Variants in GUCA1C observed in about 807,000 individuals in gnomAD.
The protein encoded by GUCA1C is guanylyl cyclase-activating protein 3.
In GUCA1C, 15 loss-of-function variants were observed where a neutral mutation model predicts 16.2. The ratio of observed to expected loss-of-function variants is 0.93; its 90% CI spans 0.62 to 1.43. The LOEUF (loss-of-function observed/expected upper bound fraction) is 1.43, where lower values mean the gene tolerates loss of function less well. GUCA1C is among the 40% of genes most tolerant of loss of function. GUCA1C has a pLI of 0.00. For synonymous variants in GUCA1C, 78 were observed against 85.4 expected, an observed-to-expected ratio of 0.91 and a Z score of 0.48; for missense variants, 275 against 244.8, an observed-to-expected ratio of 1.12 and a Z score of -0.82.
At chr3:108,936,852 C>T (rs1046408447) in intron 1 of GUCA1C, among the ~76,000 whole-genome samples, 4 of 152,088 alleles carry the variant, frequency 2.6e-5, no homozygotes, top group African/African-American at 9.7e-5. Flanking sequence ...GACTTTGAGC[C>T]CAGACAGCTC....
intron 1 of GUCA1C, among the ~76,000 whole-genome samples, chr3:108,926,479 C>A (rs969554329): frequency 6.6e-6 from 1 of 152,030 alleles, no homozygotes; most frequent in African/African-American, 2.4e-5. Context: ...TATTTGTTGC[C>A]TGAAGGTCTG....
At chr3:108,913,702 A>G (rs1946480013) in intron 3 of GUCA1C, among the ~76,000 whole-genome samples, 1 of 152,140 alleles carries the variant, frequency 6.6e-6, no homozygotes, top group South Asian at 2.1e-4. Context: ...GCATTTGCTA[A>G]GAAATAGCGA....
At chr3:108,935,857 A>G (rs574601889) in intron 1 of GUCA1C, among the ~76,000 whole-genome samples, 2 of 152,222 alleles carry the variant, frequency 1.3e-5, no homozygotes, top group African/African-American at 4.8e-5. Context: ...CTTCTGTCCA[A>G]CAGAAAACCA....
chr3:108,945,922 T>C (rs1323435957), intron 1 of GUCA1C, among the ~76,000 whole-genome samples: 4 of 152,204 alleles, frequency 2.6e-5, no homozygotes, highest in Non-Finnish European at 4.4e-5. Flanking sequence ...TGTGAGCTGA[T>C]TGTTAAATTG....
chr3:108,909,537 C>T (rs1389083667), intron 3 of GUCA1C, among the ~76,000 whole-genome samples: 2 of 152,140 alleles, frequency 1.3e-5, no homozygotes, highest in East Asian at 1.9e-4. Flanking sequence ...TCAAATTTAT[C>T]GGGGCTCAGC....
At chr3:108,916,476 GATGCA>G (rs1322537632) in intron 2 of GUCA1C, among the ~76,000 whole-genome samples, 1 of 152,170 alleles carries the variant, frequency 6.6e-6, no homozygotes, top group Admixed American at 6.5e-5. Flanking sequence ...GATCACAACA[GATGCA>G]ATGAGCCCAT....
chr3:108,917,495 C>T (rs769476899), intron 2 of GUCA1C, among the ~76,000 whole-genome samples: 1 of 151,726 alleles, frequency 6.6e-6, no homozygotes, highest in Non-Finnish European at 1.5e-5. Flanking sequence ...TTTTCTTCTT[C>T]TTCTTTCCTT....
At chr3:108,944,820 T>A (rs1169222432) in intron 1 of GUCA1C, among the ~76,000 whole-genome samples, 1 of 152,226 alleles carries the variant, frequency 6.6e-6, no homozygotes, top group African/African-American at 2.4e-5. Flanking sequence ...TAGGGAAATG[T>A]GGGATTTGAG....
intron 3 of GUCA1C, among the ~76,000 whole-genome samples, chr3:108,912,920 A>G (rs1946471602): frequency 6.6e-6 from 1 of 152,160 alleles, no homozygotes; most frequent in Non-Finnish European, 1.5e-5. Context: ...TGTGGAGCTC[A>G]TAGCTCTTCA....
intron 3 of GUCA1C, among the ~76,000 whole-genome samples, chr3:108,915,043 C>G (rs1294933490): frequency 5.9e-5 from 9 of 152,206 alleles, no homozygotes; most frequent in Non-Finnish European, 1.2e-4. Context: ...GATGCATCTT[C>G]AAATTTCTTT....
At chr3:108,954,384 G>A (rs1019296601), upstream of GUCA1C, among the ~76,000 whole-genome samples, 30 of 152,314 alleles carry the variant, frequency 2.0e-4, no homozygotes, top group African/African-American at 7.0e-4. Flanking sequence ...AACTTCAGAT[G>A]TAGTAGTCAG....
chr3:108,953,073 T>C (rs1490704859), intron 1 of GUCA1C, among the ~76,000 whole-genome samples: 1 of 152,176 alleles, frequency 6.6e-6, no homozygotes, highest in Non-Finnish European at 1.5e-5. Flanking sequence ...AAAAAAGTAA[T>C]ATGAAGCAGT....
chr3:108,937,087 C>T (rs1004447883), intron 1 of GUCA1C, among the ~76,000 whole-genome samples: 2 of 152,204 alleles, frequency 1.3e-5, no homozygotes, highest in African/African-American at 4.8e-5. Context: ...CCCAAATGCC[C>T]TTCCAAGGCC....
intron 1 of GUCA1C, among the ~76,000 whole-genome samples, chr3:108,940,909 AG>A (rs1946779637): frequency 1.3e-5 from 2 of 152,206 alleles, no homozygotes; most frequent in African/African-American, 4.8e-5. Flanking sequence ...AGACACAGAG[AG>A]GTTAATGGTC....
intron 1 of GUCA1C, among the ~76,000 whole-genome samples, chr3:108,924,433 G>A (rs953057833): frequency 7.2e-5 from 11 of 151,878 alleles, no homozygotes; most frequent in Non-Finnish European, 1.5e-4. Flanking sequence ...TTTATGTGGT[G>A]TATTACATTT....
chr3:108,922,860 G>A (rs947262339), intron 1 of GUCA1C, among the ~76,000 whole-genome samples: 1 of 152,056 alleles, frequency 6.6e-6, no homozygotes, highest in Non-Finnish European at 1.5e-5. Flanking sequence ...CTGTGTCCAT[G>A]TGTTCTCATT....
At chr3:108,933,138 T>C (rs928114515) in intron 1 of GUCA1C, among the ~76,000 whole-genome samples, 1 of 152,152 alleles carries the variant, frequency 6.6e-6, no homozygotes, top group African/African-American at 2.4e-5. Context: ...TGAGAACATT[T>C]TATCCTTTTA....
At chr3:108,931,872 T>C (rs1946670585) in intron 1 of GUCA1C, among the ~76,000 whole-genome samples, 1 of 145,462 alleles carries the variant, frequency 6.9e-6, no homozygotes, top group South Asian at 2.2e-4. Context: ...CTTCTTTTTT[T>C]TTTTTTTTTT....
intron 2 of GUCA1C, 37 bp downstream of exon 2, chr3:108,920,399 T>C (rs369686841): frequency 1.2e-5 from 19 of 1,546,406 alleles, no homozygotes; most frequent in Non-Finnish European, 1.6e-5. Context: ...GTTAACTATA[T>C]AGCGGCCTGA....
Sources: gnomAD v4.1 joint callset for allele counts (sites outside exome capture counted in the v4.1 genomes callset) on GRCh38, gnomAD v4.1.1 for gene constraint, MANE v1.5 for transcripts, NCBI Gene and HGNC (gene_info 2026-07-23, HGNC 2026-07-21) for gene names.